The following LMOD3 variants were observed in gnomAD, a reference collection of about 807,000 sequenced individuals.
LMOD3 encodes the protein leiomodin-3.
A neutral mutation model predicts 41.8 loss-of-function variants in LMOD3; 31 were observed. The ratio of observed to expected loss-of-function variants is 0.74; its 90% confidence interval spans 0.56 to 1.00. The LOEUF is 1.00. Among genes scored for constraint, LMOD3 ranks in the 50% least tolerant of loss-of-function variants. LMOD3 has a pLI of 0.00. For synonymous variants in LMOD3, 292 were observed against 241.9 expected (o/e 1.21, Z -1.92); for missense variants, 755 against 679.5 (o/e 1.11, Z -1.23).
chr3:69,111,990 T>C (rs1374180222), intron 2 of LMOD3, among the ~76,000 whole-genome samples: 1 of 152,118 alleles, frequency 6.6e-6, no homozygotes, highest in Non-Finnish European at 1.5e-5. Flanking sequence ...CCAAAAACTA[T>C]AAAAGTTGCA....
At position 69,108,924 on chromosome 3, in the gene LMOD3, C is replaced by A; in HGVS notation, c.*171G>T. ...CTTCCACCTTCCTCTTCAGCCCCTA[C>A]TTCTTCATGGCCCAAACATTCTGCC... On this transcript the variant is annotated 3_prime_UTR_variant, in exon 3 of 3. Transcript: ENST00000420581. 1.8e-6 allele frequency: 1 copy of A among 552,664 alleles called. No homozygotes were observed. The highest frequency in any genetic ancestry group is 3.1e-6 in the Non-Finnish European group (1 of 318,600). 34.2% of individuals were successfully genotyped at this position (552,664 alleles called of 1,614,324 possible). A position where few individuals can be genotyped will look rare whatever the true frequency, so the allele number is the denominator to read the frequency against.
At chr3:69,109,621 G>A (rs746299242) in intron 2 of LMOD3, among the ~76,000 whole-genome samples, 23 of 141,406 alleles carry the variant, frequency 1.6e-4, no homozygotes, top group Admixed American at 7.5e-5. Flanking sequence ...TCCAACTCCC[G>A]GGTTCAAGCG....
Position 69,122,210 on chromosome 3 carries a change from G to C in LMOD3, c.177C>G (p.Asp59Glu), listed in dbSNP as rs1238703025. 1 of 1,613,494 alleles carries C rather than the reference G, an allele frequency of 6.2e-7. No individual in the cohort carries two copies. Among genetic ancestry groups the C allele is most frequent in the Admixed American group, 1.7e-5 (1 of 59,966 alleles). ...GATTGAAGTTTCCTGTCGGTGGCTT[G>C]TCAGTTTGATCTTTCTGAATCATTC... ...PVGMIQKDQTDKPPTGNFNHK... is the reference protein window; with the variant it reads ...PVGMIQKDQTEKPPTGNFNHK... Residue 59 changes from aspartate to glutamate, a missense_variant, in exon 1 of 3, where the codon GAC becomes GAG. Physicochemically the swap from Asp to Glu is conservative, Grantham distance 45. Coordinates refer to ENST00000420581, the MANE Select transcript of LMOD3 (RefSeq NM_198271.5).
In LMOD3 at chr3:69,122,555, G is replaced by A. The variant is rs2092414032; in HGVS notation, c.-169C>T. 3 of 588,684 alleles carry A rather than the reference G, an allele frequency of 5.1e-6. No homozygotes were observed. The highest frequency in any genetic ancestry group is 8.9e-6 in the Non-Finnish European group (3 of 337,378). The allele number at this position is 588,684 out of a possible 1,614,324, so 36.5% of individuals were successfully genotyped here. A position where few individuals can be genotyped will look rare whatever the true frequency, so the allele number is the denominator to read the frequency against. Reference sequence around the variant, plus strand: ...AGGAACCTCAGTGGTTTGCTGAGCAGCTAGGAGTGATCACAGCTAAGCTCT... The same window carrying A: ...AGGAACCTCAGTGGTTTGCTGAGCAACTAGGAGTGATCACAGCTAAGCTCT... On this transcript the variant is annotated 5_prime_UTR_variant, in exon 1 of 3. Coordinates refer to ENST00000420581, the MANE Select transcript of LMOD3 (RefSeq NM_198271.5).
intron 2 of LMOD3, 79 bp from the exon 3 acceptor site, chr3:69,109,200 T>G: frequency 3.0e-6 from 4 of 1,312,702 alleles, no homozygotes; most frequent in Non-Finnish European, 4.3e-6. Flanking sequence ...TTACAAAATT[T>G]ACATGCCTTA....
rs1375882412 is a variant in LMOD3 at position 69,107,325 on chromosome 3, G to T, written c.*1770C>A. The stretch of plus-strand genomic sequence containing the variant: ...CAAATAATGTGTTGTTTTTAAGTCT[G>T]TCACAATTAGACCTATTCTCCCCTA... On this transcript the variant is annotated 3_prime_UTR_variant, in exon 3 of 3. Transcript: ENST00000420581. 6.6e-6 allele frequency: 1 copy of T among 151,714 alleles called. No individual in the cohort carries two copies. Among genetic ancestry groups the T allele is most frequent in the Non-Finnish European group, 1.5e-5 (1 of 67,964 alleles). 9.4% of individuals were successfully genotyped at this position (151,714 alleles called of 1,614,324 possible).
Position 69,118,862 on chromosome 3 carries a change from C to G in LMOD3, c.1493G>C (p.Arg498Pro). Residue 498 changes from arginine to proline, a missense_variant, in exon 2 of 3, where the codon CGG (arginine) becomes CCG (proline). By Grantham distance (103) the Arg-to-Pro change is moderately radical. Coordinates refer to ENST00000420581, the MANE Select transcript of LMOD3 (RefSeq NM_198271.5). ...GGGTGGTTCTCTGGCTTCCGGCATC[C>G]GAGATTTGCGCTGGATTCTCTTCAG... ...VKLKRIQRKS[R>P]MPEAREPPEK... The G allele has an allele frequency of 6.2e-7, 1 of 1,610,134 alleles. No homozygotes were observed. The highest frequency in any genetic ancestry group is 8.5e-7 in the Non-Finnish European group (1 of 1,179,050).
At chr3:69,109,510 C>CA (rs1358846592) in intron 2 of LMOD3, among the ~76,000 whole-genome samples, 2 of 148,348 alleles carry the variant, frequency 1.3e-5, no homozygotes, top group Admixed American at 1.3e-4. Context: ...GTGAGTAATC[C>CA]ATGTTAACAC....
rs768016982 is a variant in LMOD3, at chr3:69,122,280, T to C, written c.107A>G (p.Gln36Arg). The C allele has an allele frequency of 6.2e-7, 1 of 1,613,612 alleles. No individual in the cohort carries two copies. The highest frequency in any genetic ancestry group is 8.5e-7 in the Non-Finnish European group (1 of 1,179,736). The part of the protein sequence containing the change: ...NLSAEELKEL[Q>R]SEMEVMAPDP... ...AGGGGCCATGACTTCCATTTCCGACTGCAGTTCTTTCAGTTCTTCAGCAGA... is the reference window on the plus strand; with the variant it reads ...AGGGGCCATGACTTCCATTTCCGACCGCAGTTCTTTCAGTTCTTCAGCAGA... The change falls in exon 1 of 3, where the codon CAG (glutamine) becomes CGG (arginine). Residue 36 changes from glutamine to arginine, a missense_variant. Coordinates refer to ENST00000420581, the MANE Select transcript of LMOD3 (RefSeq NM_198271.5).
rs190846774 is a variant in LMOD3, at chr3:69,119,965, A to G, written c.390T>C (p.Asn130=). The change falls in exon 2 of 3, where the codon AAT becomes AAC. Residue 130 remains asparagine (N), a synonymous_variant. Transcript: ENST00000420581. ...KEKLNNEIVA[N]KRESKGSSNI... ...TGCTGCTGCCCTTTGATTCTCTTTT[A>G]TTTGCAACTATTTCATTATTGAGCT... 1 of 1,585,904 alleles carries G rather than the reference A, an allele frequency of 6.3e-7. No homozygotes were observed. Among genetic ancestry groups the G allele is most frequent in the Non-Finnish European group, 8.6e-7 (1 of 1,164,488 alleles).
In LMOD3 at chr3:69,119,215, C is replaced by T. The variant is rs1269451090; in HGVS notation, c.1140G>A (p.Pro380=). The change falls in exon 2 of 3, where the codon CCG becomes CCA. Residue 380 remains proline (P), a synonymous_variant. Coordinates refer to ENST00000420581, the MANE Select transcript of LMOD3 (RefSeq NM_198271.5). ...LLKMGYHFEL[P]GPRMVVTNLL... ...GATTAGTGACCACCATTCTGGGACC[C>T]GGAAGCTCAAAATGGTAGCCCATCT... The T allele has an allele frequency of 1.2e-5, 20 of 1,613,796 alleles. No individual in the cohort carries two copies. The highest frequency in any genetic ancestry group is 3.3e-4 in the Middle Eastern group (2 of 6,084).
intron 2 of LMOD3, among the ~76,000 whole-genome samples, chr3:69,116,084 C>CA (rs2092371292): frequency 6.6e-6 from 1 of 151,984 alleles, no homozygotes; most frequent in African/African-American, 2.4e-5. Flanking sequence ...AAAATGACCT[C>CA]AAAACAAAAC....
rs2092329692 is a variant in LMOD3, at chr3:69,107,704, T to G, written c.*1391A>C. 2 of 151,972 alleles carry G rather than the reference T, an allele frequency of 1.3e-5. No individual in the cohort carries two copies. The highest frequency in any genetic ancestry group is 2.9e-5 in the Non-Finnish European group (2 of 68,052). 9.4% of individuals were successfully genotyped at this position (151,972 alleles called of 1,614,324 possible). Reference sequence around the variant, plus strand: ...GTTGGCCAGGCTGGTCTCGAACTCCTGACCTCTGGAGATCCTCCCTCCCTG... The same window carrying G: ...GTTGGCCAGGCTGGTCTCGAACTCCGGACCTCTGGAGATCCTCCCTCCCTG... On this transcript the variant is annotated 3_prime_UTR_variant, in exon 3 of 3. Transcript: ENST00000420581.
At chr3:69,120,114 T>G in intron 1 of LMOD3, 54 bp from the exon 2 acceptor site, 1 of 1,514,076 alleles carries the variant, frequency 6.6e-7, no homozygotes, top group South Asian at 1.3e-5. Context: ...AAATATGAAG[T>G]GGAGCATCAG....
rs970841262 is a variant in LMOD3 at position 69,107,393 on chromosome 3, G to A, written c.*1702C>T. ...CATGCCACTTATGATAACATAAAAG[G>A]AGAAAGAAGGCAGGTGCCAATTATT... On this transcript the variant is annotated 3_prime_UTR_variant, in exon 3 of 3. Coordinates refer to ENST00000420581, the MANE Select transcript of LMOD3 (RefSeq NM_198271.5). The A allele has an allele frequency of 1.1e-4, 16 of 142,224 alleles. No individual in the cohort carries two copies. The highest frequency in any genetic ancestry group is 3.9e-4 in the African/African-American group (15 of 38,576). 8.8% of individuals were successfully genotyped at this position (142,224 alleles called of 1,614,324 possible).
At chr3:69,116,939 A>G (rs1236484468) in intron 2 of LMOD3, among the ~76,000 whole-genome samples, 2 of 152,214 alleles carry the variant, frequency 1.3e-5, no homozygotes, top group African/African-American at 4.8e-5. Context: ...TTTTTTCAAA[A>G]GACGTCTCAT....
At chr3:69,113,518 A>C (rs1045630427) in intron 2 of LMOD3, among the ~76,000 whole-genome samples, 4 of 152,250 alleles carry the variant, frequency 2.6e-5, no homozygotes, top group South Asian at 4.1e-4. Flanking sequence ...TTCTGTAATC[A>C]TAACAACCCC....
intron 1 of LMOD3, among the ~76,000 whole-genome samples, chr3:69,120,711 G>A (rs1483988515): frequency 6.6e-6 from 1 of 151,702 alleles, no homozygotes; most frequent in East Asian, 1.9e-4. Context: ...CAACTGCCAT[G>A]ATACTCTGTC....
At chr3:69,118,310 T>C (rs140064420) in intron 2 of LMOD3, among the ~76,000 whole-genome samples, 143 of 152,310 alleles carry the variant, frequency 9.4e-4, no homozygotes, top group African/African-American at 3.3e-3. Flanking sequence ...ACTTCCTAGC[T>C]GTGTCTCCTC....
Sources: allele counts gnomAD v4.1 joint callset (sites outside exome capture counted in the v4.1 genomes callset), GRCh38; gene constraint gnomAD v4.1.1; transcripts MANE v1.5; gene names NCBI Gene and HGNC (gene_info 2026-07-23, HGNC 2026-07-21).